The following HCRTR1 variants were observed in gnomAD, a reference collection of about 807,000 sequenced individuals.
The protein encoded by HCRTR1 is orexin/Hypocretin receptor type 1.
A neutral mutation model predicts 40.6 loss-of-function variants in HCRTR1; 28 were observed. That is an observed-to-expected ratio of 0.69 (90% CI 0.51 to 0.95). The LOEUF (loss-of-function observed/expected upper bound fraction) is 0.95, where lower values mean the gene tolerates loss of function less well. HCRTR1 is among the 40% of genes least tolerant of loss of function. The pLI is 0.00. For synonymous variants in HCRTR1, 209 were observed against 230.0 expected, an observed-to-expected ratio of 0.91 and a Z score of 0.83; for missense variants, 482 against 564.7, an observed-to-expected ratio of 0.85 and a Z score of 1.48.
At chr1:31,627,615 GTTCCCT>G, downstream of HCRTR1, 1 of 333,544 alleles carries the variant, frequency 3.0e-6, no homozygotes, top group Non-Finnish European at 6.0e-6. Context: ...GGCACTGAAT[GTTCCCT>G]TTCCTTGTCA....
downstream of HCRTR1, chr1:31,630,362 C>T: frequency 1.9e-6 from 1 of 516,772 alleles, no homozygotes; most frequent in Non-Finnish European, 3.5e-6. Flanking sequence ...CTCAACTGCT[C>T]ATGGCCATCA....
Position 31,619,289 on chromosome 1 carries a change from C to T in HCRTR1, c.97C>T (p.Arg33Cys), listed in dbSNP as rs201585344. 2.6e-5 allele frequency: 42 copies of T among 1,614,026 alleles called. No individual in the cohort carries two copies. The highest frequency in any genetic ancestry group is 3.2e-5 in the Non-Finnish European group (38 of 1,180,020). Reference protein sequence around the residue: ...VPPDYEDEFLRYLWRDYLYPK... With the variant: ...VPPDYEDEFLCYLWRDYLYPK... ...TCCAGACTATGAAGATGAGTTTCTC[C>T]GCTATCTGTGGCGCGATTATCTGTA... Residue 33 changes from arginine (R) to cysteine (C), a missense_variant, in exon 3 of 9, where the codon CGC becomes TGC. Coordinates refer to ENST00000403528, the MANE Select transcript of HCRTR1 (RefSeq NM_001525.3).
Position 31,619,353 on chromosome 1 carries a change from T to TG in HCRTR1, c.163dup (p.Ala55GlyfsTer38). On this transcript the variant is annotated frameshift_variant, in exon 3 of 9. Coordinates refer to ENST00000403528, the MANE Select transcript of HCRTR1 (RefSeq NM_001525.3). LOFTEE classifies it high-confidence loss of function. ...GAGTGGGTCCTCATCGCAGCCTATG[T>TG]GGCTGTGTTCGTCGTGGCCCTGGTG... is the stretch of plus-strand genomic sequence containing the variant. The TG allele has an allele frequency of 6.2e-7, 1 of 1,614,226 alleles. No homozygotes were observed. The highest frequency in any genetic ancestry group is 8.5e-7 in the Non-Finnish European group (1 of 1,180,036).
intron 4 of HCRTR1, 108 bp downstream of exon 4, chr1:31,619,818 T>A: frequency 9.8e-7 from 1 of 1,022,746 alleles, no homozygotes; most frequent in Non-Finnish European, 1.4e-6. Flanking sequence ...GACAGGTCAG[T>A]GGCTCATGAC....
chr1:31,632,597 C>T (rs776849452), downstream of HCRTR1: 9 of 1,614,022 alleles, frequency 5.6e-6, no homozygotes, highest in South Asian at 1.1e-5. Flanking sequence ...GCTGAGAAGC[C>T]GTAGACATCG....
intron 6 of HCRTR1, among the ~76,000 whole-genome samples, chr1:31,622,802 G>A (rs1056841817): frequency 3.2e-4 from 48 of 152,134 alleles, no homozygotes; most frequent in Non-Finnish European, 3.4e-4. Flanking sequence ...CCCTTGCCCA[G>A]GCCTCCTCAT....
downstream of HCRTR1, chr1:31,632,386 G>T: frequency 6.4e-7 from 1 of 1,559,456 alleles, no homozygotes; most frequent in Non-Finnish European, 8.8e-7. Context: ...GCATTTTGTA[G>T]TGCAGGTGGA....
chr1:31,630,854 G>A (rs1640080525), downstream of HCRTR1: 3 of 1,592,584 alleles, frequency 1.9e-6, no homozygotes, highest in African/African-American at 1.3e-5. Context: ...TGGAGAAGAG[G>A]GGCACACAGA....
chr1:31,629,605 C>T (rs1410265683), downstream of HCRTR1, among the ~76,000 whole-genome samples: 1 of 152,182 alleles, frequency 6.6e-6, no homozygotes, highest in East Asian at 1.9e-4. Flanking sequence ...GCTTTCAACC[C>T]AGAATGCCAG....
At chr1:31,631,530 T>C (rs1456592561), downstream of HCRTR1, among the ~76,000 whole-genome samples, 2 of 152,306 alleles carry the variant, frequency 1.3e-5, no homozygotes, top group South Asian at 4.1e-4. Context: ...CCATTTGTTA[T>C]GCGGGCCCTT....
chr1:31,626,832 T>A lies in HCRTR1; in HGVS notation c.1130T>A (p.Leu377Gln). The change falls in exon 9 of 9, where the codon CTG becomes CAG. Residue 377 changes from leucine to glutamine, a missense_variant. By Grantham distance (113) the Leu-to-Gln change is moderately radical (BLOSUM62 -2). Transcript: ENST00000403528. The surrounding 1 kb of genome is among the most constrained non-coding windows in gnomAD (Gnocchi z 4.6). ...EQFKAAFSCC[L>Q]PGLGPCGSLK... is the part of the protein sequence containing the mutation. ...TTTAAGGCTGCCTTCTCCTGCTGCC[T>A]GCCTGGCCTGGGTCCCTGCGGCTCT... The A allele has an allele frequency of 6.2e-7, 1 of 1,614,182 alleles. No individual in the cohort carries two copies. The highest frequency in any genetic ancestry group is 8.5e-7 in the Non-Finnish European group (1 of 1,180,036).
At chr1:31,632,013 C>A (rs1640118228), downstream of HCRTR1, among the ~76,000 whole-genome samples, 1 of 152,230 alleles carries the variant, frequency 6.6e-6, no homozygotes, top group Non-Finnish European at 1.5e-5. Flanking sequence ...GGGGCTGTGG[C>A]CTCAGGTCAT....
At chr1:31,632,421 T>TTTGTTGTA (rs1200996340), downstream of HCRTR1, 1 of 1,606,522 alleles carries the variant, frequency 6.2e-7, no homozygotes, top group South Asian at 1.1e-5. Flanking sequence ...AGGAAACCCC[T>TTTGTTGTA]TTGTTGTATC....
intron 7 of HCRTR1, 24 bp from the exon 8 acceptor site, chr1:31,624,973 G>A (rs368192027): frequency 1.0e-5 from 16 of 1,571,314 alleles, no homozygotes; most frequent in African/African-American, 1.4e-5. Flanking sequence ...CCCCATTTCT[G>A]ACGCTCCTCC....
chr1:31,620,462 C>T (rs960764406), intron 4 of HCRTR1, among the ~76,000 whole-genome samples: 1 of 152,182 alleles, frequency 6.6e-6, no homozygotes, highest in African/African-American at 2.4e-5. Context: ...CCTCAGTTTC[C>T]TCATCTGTAA....
chr1:31,634,156 T>C (rs553492808), downstream of HCRTR1, among the ~76,000 whole-genome samples: 1 of 152,294 alleles, frequency 6.6e-6, no homozygotes, highest in East Asian at 1.9e-4. Flanking sequence ...GACTTAGGGA[T>C]TAGTCTGACT....
chr1:31,633,228 C>T, downstream of HCRTR1: 1 of 1,614,072 alleles, frequency 6.2e-7, no homozygotes, highest in Non-Finnish European at 8.5e-7. Flanking sequence ...TGCTTTAGCT[C>T]CTTCATGGAG....
At chr1:31,631,807 G>A (rs1227421035), downstream of HCRTR1, among the ~76,000 whole-genome samples, 2 of 152,170 alleles carry the variant, frequency 1.3e-5, no homozygotes, top group African/African-American at 2.4e-5. Flanking sequence ...CAGATGTGGT[G>A]CACTCACTCC....
chr1:31,632,335 G>A (rs1312265351), downstream of HCRTR1: 1 of 1,287,748 alleles, frequency 7.8e-7, no homozygotes, highest in South Asian at 1.2e-5. Context: ...CCCCAGCTGG[G>A]TCAAAGAAGG....
Sources: allele counts gnomAD v4.1 joint callset (sites outside exome capture counted in the v4.1 genomes callset), GRCh38; gene constraint gnomAD v4.1.1; non-coding constraint Gnocchi (gnomAD v3.1); transcripts MANE v1.5; gene names NCBI Gene and HGNC (gene_info 2026-07-23, HGNC 2026-07-21).